Variants in BORA observed in about 807,000 individuals in gnomAD.
BORA encodes the protein BORA aurora kinase A activator.
Under a neutral mutation model 55.8 loss-of-function variants are expected in BORA, and 26 were observed. The ratio of observed to expected loss-of-function variants is 0.47; its 90% confidence interval spans 0.34 to 0.65. The LOEUF (loss-of-function observed/expected upper bound fraction) is 0.65. Ranked by LOEUF, BORA falls within the 30% of genes least tolerant of loss-of-function variation. The probability of loss-of-function intolerance (pLI) is 0.01; values close to 1 mark genes in which losing one functional copy is unlikely to be tolerated. For synonymous variants in BORA, 201 were observed against 216.9 expected, an observed-to-expected ratio of 0.93 and a Z score of 0.64; for missense variants, 568 against 671.5, an observed-to-expected ratio of 0.85 and a Z score of 1.70.
At chr13:72,744,806 TAAAAAC>T (rs1403326614) in intron 7 of BORA, among the ~76,000 whole-genome samples, 169 bp from the exon 8 acceptor site, 1 of 152,204 alleles carries the variant, frequency 6.6e-6, no homozygotes, top group Admixed American at 6.5e-5. Flanking sequence ...ATGTAGCACT[TAAAAAC>T]TAAGGAATAA....
chr13:72,745,109 G>C lies in BORA; in HGVS notation c.640G>C (p.Gly214Arg), dbSNP rs200448865. Residue 214 changes from glycine to arginine, a missense_variant, in exon 8 of 12, where the codon GGA becomes CGA. Transcript: ENST00000390667. ...CGACTCCTTACCTTCGGCTTCTCCC[G>C]GAAGTCCTCACAGTGGTGTTCAAAC... ...ISDSLPSASP[G>R]SPHSGVQTSL... is the part of the protein sequence containing the mutation. 1.9e-6 allele frequency: 3 copies of C among 1,613,966 alleles called. No homozygotes were observed. In the South Asian group the frequency reaches 3.3e-5, roughly 18 times the overall value.
At chr13:72,740,583 T>C (rs1004931845) in intron 5 of BORA, among the ~76,000 whole-genome samples, 1 of 152,174 alleles carries the variant, frequency 6.6e-6, no homozygotes, top group Non-Finnish European at 1.5e-5. Context: ...TGGATGCTAC[T>C]TTAGGGCCAA....
At position 72,742,258 on chromosome 13, in the gene BORA, AG is replaced by A. The variant is rs57339955; in HGVS notation, c.389-1272del. ...CTGAGTTGTTTCTGGTTTTGGGGGGAGGGGGGGTTTGTTTGGTCCCCTTGCT... is the reference window on the plus strand; with the variant it reads ...CTGAGTTGTTTCTGGTTTTGGGGGGAGGGGGGTTTGTTTGGTCCCCTTGCT... On this transcript the variant is annotated intron_variant, in intron 5 of 11. Transcript: ENST00000390667. 3.9e-4 allele frequency among the ~76,000 whole-genome samples: 21 copies of A among 53,720 alleles called. No homozygotes were observed. The East Asian group carries it at 9.6e-3, about 25-fold the overall frequency. 35.2% of individuals were successfully genotyped at this position (53,720 alleles called of 152,430 possible).
chr13:72,752,192 C>G (rs951561604), intron 10 of BORA: 1 of 152,144 alleles, frequency 6.6e-6, no homozygotes, highest in African/African-American at 2.4e-5. Context: ...TCTTTTATTT[C>G]CAGGCTGTGG....
rs751268979 is a variant in BORA, at chr13:72,746,662, C to T, written c.1033C>T (p.Arg345Trp). The change falls in exon 10 of 12, where the codon CGG becomes TGG. Residue 345 changes from arginine to tryptophan, a missense_variant. Transcript: ENST00000390667. Reference sequence around the variant, plus strand: ...GATGTATAGTGGTGGTACTCAGTATCGGACCTCAGTGATTCAGATACCTTT... The same window carrying T: ...GATGTATAGTGGTGGTACTCAGTATTGGACCTCAGTGATTCAGATACCTTT... ...LQMYSGGTQY[R>W]TSVIQIPFTL... The T allele has an allele frequency of 2.3e-5, 37 of 1,613,970 alleles. No homozygotes were observed. Among genetic ancestry groups the T allele is most frequent in the Middle Eastern group, 1.6e-4 (1 of 6,082 alleles).
intron 1 of BORA, chr13:72,728,234 G>C (rs1244620651): frequency 4.2e-6 from 3 of 718,416 alleles, no homozygotes; most frequent in Admixed American, 4.0e-5. Flanking sequence ...TCCAGAAGTA[G>C]ACTCTTTTCC....
At chr13:72,736,450 G>A (rs1009047901) in intron 4 of BORA, among the ~76,000 whole-genome samples, 7 of 151,708 alleles carry the variant, frequency 4.6e-5, no homozygotes, top group Non-Finnish European at 7.4e-5. Flanking sequence ...AAATATTTTC[G>A]ACAAATAGGA....
At chr13:72,736,122 A>C (rs1260274914) in intron 4 of BORA, among the ~76,000 whole-genome samples, 3 of 152,074 alleles carry the variant, frequency 2.0e-5, no homozygotes, top group Admixed American at 6.6e-5. Flanking sequence ...CACAGTTTTC[A>C]TTCTGACTCA....
intron 5 of BORA, among the ~76,000 whole-genome samples, chr13:72,740,823 T>A (rs2033020297): frequency 6.6e-6 from 1 of 152,208 alleles, no homozygotes; most frequent in Non-Finnish European, 1.5e-5. Context: ...TAGTGTAATA[T>A]TATCTAGGTT....
intron 10 of BORA, among the ~76,000 whole-genome samples, chr13:72,751,004 A>G (rs9564915): frequency 0.28 from 42,973 of 152,038 alleles, 7,556 homozygotes; most frequent in East Asian, 0.53. Context: ...GGCAGATTTC[A>G]GTTTATAGCC....
intron 5 of BORA, among the ~76,000 whole-genome samples, chr13:72,740,250 G>A (rs183598627): frequency 6.6e-6 from 1 of 152,204 alleles, no homozygotes; most frequent in East Asian, 1.9e-4. Flanking sequence ...GGGAGCAAAG[G>A]GAATTAATAG....
At chr13:72,747,183 A>G (rs948900471) in intron 10 of BORA, 72 bp downstream of exon 10, 2 of 1,475,854 alleles carry the variant, frequency 1.4e-6, no homozygotes, top group Non-Finnish European at 1.8e-6. Flanking sequence ...AGATTATAGT[A>G]TAAGAAAGAT....
At position 72,745,109 on chromosome 13, in the gene BORA, G is replaced by T. The variant is rs200448865; in HGVS notation, c.640G>T (p.Gly214Ter). The T allele has an allele frequency of 3.7e-6, 6 of 1,614,084 alleles. No individual in the cohort carries two copies. Among genetic ancestry groups the T allele is most frequent in the Non-Finnish European group, 5.1e-6 (6 of 1,179,972 alleles). ...CGACTCCTTACCTTCGGCTTCTCCC[G>T]GAAGTCCTCACAGTGGTGTTCAAAC... Reference protein sequence around the residue: ...ISDSLPSASPGSPHSGVQTSL... With the variant: ...ISDSLPSASP The change falls in exon 8 of 12, where the codon GGA becomes TGA. Residue 214 changes from glycine (G) to a stop codon, truncating the protein, a stop_gained. Transcript: ENST00000390667. LOFTEE classifies it high-confidence loss of function.
At position 72,748,708 on chromosome 13, in the gene BORA, ACT is replaced by A. The variant is rs550128672; in HGVS notation, c.1482+1602_1482+1603del. 4.0e-3 allele frequency among the ~76,000 whole-genome samples: 595 copies of A among 148,836 alleles called. 6 individuals are homozygous for A. Among genetic ancestry groups the A allele is most frequent in the Middle Eastern group, 0.031 (9 of 294 alleles). ...CTTAAAGGCATTGTTTGCTGCTTTT[ACT>A]CTCTGCCTTTTTTCACTTTCTCTCT... is the stretch of plus-strand genomic sequence containing the variant. On this transcript the variant is annotated intron_variant, in intron 10 of 11. Transcript: ENST00000390667.
Position 72,745,202 on chromosome 13 carries a change from A to G in BORA, c.733A>G (p.Ser245Gly). The change falls in exon 8 of 12, where the codon AGT (serine) becomes GGT (glycine). Residue 245 changes from serine to glycine, a missense_variant. Ser to Gly is a moderately conservative substitution (Grantham distance 56). Transcript: ENST00000390667. ...GTGTAGGAGCCCCTTGCAGACACCA[A>G]GTTCGGTGAGAAGTATACTAAAAAG... ...VKCRSPLQTPSSGQFSSSPIQ... is the reference protein window; with the variant it reads ...VKCRSPLQTPGSGQFSSSPIQ... 7.4e-6 allele frequency: 12 copies of G among 1,612,280 alleles called. No individual in the cohort carries two copies. The highest frequency in any genetic ancestry group is 3.3e-5 in the South Asian group (3 of 91,032).
intron 5 of BORA, among the ~76,000 whole-genome samples, chr13:72,741,293 T>C (rs780670543): frequency 6.6e-6 from 1 of 152,238 alleles, no homozygotes; most frequent in Non-Finnish European, 1.5e-5. Context: ...CATCCCTGCC[T>C]GCCCTTGGCA....
intron 5 of BORA, among the ~76,000 whole-genome samples, chr13:72,742,469 A>G (rs1424901551): frequency 6.6e-6 from 1 of 152,062 alleles, no homozygotes; most frequent in East Asian, 1.9e-4. Context: ...TTTTGTCAAA[A>G]TAATCTGGCA....
chr13:72,730,906 A>C (rs9543103), intron 2 of BORA, among the ~76,000 whole-genome samples: 70,024 of 143,446 alleles, frequency 0.49, 17,919 homozygotes, highest in Admixed American at 0.6. Context: ...AAAAAAAAAA[A>C]AAAATACAAA....
intron 7 of BORA, 97 bp downstream of exon 7, chr13:72,744,658 GCCTCTTT>G: frequency 1.1e-6 from 1 of 914,402 alleles, no homozygotes; most frequent in East Asian, 2.6e-5. Context: ...ATGTGGCAGT[GCCTCTTT>G]CTAAAGAAGT....
Sources: allele counts gnomAD v4.1 joint callset (sites outside exome capture counted in the v4.1 genomes callset), GRCh38; gene constraint gnomAD v4.1.1; transcripts MANE v1.5; gene names NCBI Gene and HGNC (gene_info 2026-07-23, HGNC 2026-07-21).